Variants in ASTN2 observed in about 807,000 individuals in gnomAD.
ASTN2 encodes astrotactin 2.
Under a neutral mutation model 139.8 loss-of-function variants are expected in ASTN2, and 54 were observed. That is an observed-to-expected ratio of 0.39 (90% CI 0.31 to 0.48). The LOEUF (loss-of-function observed/expected upper bound fraction) is 0.48, where lower values mean the gene tolerates loss of function less well. ASTN2 is among the 20% of genes least tolerant of loss of function. The probability of loss-of-function intolerance (pLI) is 0.95; values close to 1 mark genes in which losing one functional copy is unlikely to be tolerated. For missense variants in ASTN2, 1,565 were observed against 1,725.1 expected, an observed-to-expected ratio of 0.91 and a Z score of 1.64; for synonymous variants, 756 against 719.5, an observed-to-expected ratio of 1.05 and a Z score of -0.81.
chr9:116,548,200 C>T (rs1852187536), intron 19 of ASTN2, among the ~76,000 whole-genome samples: 1 of 152,198 alleles, frequency 6.6e-6, no homozygotes, highest in South Asian at 2.1e-4. Flanking sequence ...CAGGCTCTGG[C>T]AGTCAGGAGG....
chr9:116,542,771 G>T (rs1260515866), intron 19 of ASTN2, among the ~76,000 whole-genome samples: 1 of 151,782 alleles, frequency 6.6e-6, no homozygotes, highest in African/African-American at 2.4e-5. Flanking sequence ...ACAAAAAGTA[G>T]CTGGGCATGG....
intron 13 of ASTN2, among the ~76,000 whole-genome samples, chr9:116,777,921 C>T (rs952474543): frequency 6.6e-6 from 1 of 152,002 alleles, no homozygotes; most frequent in Non-Finnish European, 1.5e-5. Flanking sequence ...CGGCTCACTG[C>T]AACCTCCACC....
intron 19 of ASTN2, among the ~76,000 whole-genome samples, chr9:116,581,750 T>C (rs914531473): frequency 6.6e-6 from 1 of 152,192 alleles, no homozygotes; most frequent in African/African-American, 2.4e-5. Context: ...CATTCATTCA[T>C]CTCTTCTTAA....
At chr9:117,116,193 G>A (rs536358184) in intron 4 of ASTN2, among the ~76,000 whole-genome samples, 1 of 152,248 alleles carries the variant, frequency 6.6e-6, no homozygotes, top group Non-Finnish European at 1.5e-5. Context: ...TATCTCCTGG[G>A]GGTAGCAGAA....
intron 19 of ASTN2, among the ~76,000 whole-genome samples, chr9:116,498,368 T>C (rs1295859370): frequency 6.6e-6 from 1 of 152,002 alleles, no homozygotes; most frequent in Non-Finnish European, 1.5e-5. Flanking sequence ...GAGGATCACT[T>C]GAGGCCAGGA....
chr9:116,653,057 T>G (rs1290451381), intron 16 of ASTN2, among the ~76,000 whole-genome samples: 1 of 152,200 alleles, frequency 6.6e-6, no homozygotes, highest in Admixed American at 6.6e-5. Context: ...CATTTTCCCT[T>G]CCCATTTTCT....
At chr9:117,127,107 A>G (rs1162139139) in intron 4 of ASTN2, among the ~76,000 whole-genome samples, 1 of 152,216 alleles carries the variant, frequency 6.6e-6, no homozygotes, top group Non-Finnish European at 1.5e-5. Context: ...TGCTGATCTA[A>G]GAATGAGGCC....
At chr9:117,230,129 A>G (rs1164568794) in intron 2 of ASTN2, among the ~76,000 whole-genome samples, 2 of 147,116 alleles carry the variant, frequency 1.4e-5, no homozygotes, top group Non-Finnish European at 3.0e-5. Flanking sequence ...AAAAAAAAAA[A>G]AGCCCTATTG....
intron 3 of ASTN2, among the ~76,000 whole-genome samples, chr9:117,187,388 A>C (rs1831228364): frequency 6.6e-6 from 1 of 152,134 alleles, no homozygotes. Flanking sequence ...GATGCTAAAA[A>C]ATAATGATGT....
At position 117,343,408 on chromosome 9, in the gene ASTN2, T is replaced by C. The variant is rs533056300; in HGVS notation, c.443-51895A>G. Among the ~76,000 whole-genome samples the C allele has an allele frequency of 7.5e-4, 114 of 152,346 alleles. 1 individual carries two copies. The highest frequency in any genetic ancestry group is 2.5e-3 in the African/African-American group (105 of 41,588). On this transcript the variant is annotated intron_variant, in intron 1 of 22. Coordinates refer to ENST00000313400, the MANE Select transcript of ASTN2 (RefSeq NM_001365068.1). ...AAGAAGCTTTCTCGGATTCCTACAG[T>C]GCATGAACTTGCTTTTCCCTGGAAT...
At chr9:116,863,039 G>C (rs1294302369) in intron 11 of ASTN2, among the ~76,000 whole-genome samples, 1 of 151,806 alleles carries the variant, frequency 6.6e-6, no homozygotes, top group Non-Finnish European at 1.5e-5. Context: ...AGCAAACAAG[G>C]CTGCCTCTCC....
intron 16 of ASTN2, among the ~76,000 whole-genome samples, chr9:116,708,062 G>A (rs1309973902): frequency 6.6e-6 from 1 of 152,026 alleles, no homozygotes; most frequent in Non-Finnish European, 1.5e-5. Flanking sequence ...TGCCAAAATG[G>A]GACGGCATGG....
intron 12 of ASTN2, among the ~76,000 whole-genome samples, chr9:116,808,114 AAAAACAAAAC>A (rs1259138433): frequency 6.6e-6 from 1 of 152,226 alleles, no homozygotes; most frequent in Non-Finnish European, 1.5e-5. Flanking sequence ...ACTTCGTCTC[AAAAACAAAAC>A]AAAACAAAAC....
At chr9:116,803,594 A>G (rs1830955537) in intron 13 of ASTN2, among the ~76,000 whole-genome samples, 1 of 143,010 alleles carries the variant, frequency 7.0e-6, no homozygotes, top group South Asian at 2.2e-4. Flanking sequence ...GCGTAATCTC[A>G]GCTCACTGCA....
rs183194091 is a variant in ASTN2, at chr9:116,904,211, G to A, written c.1890-40478C>T. Among the ~76,000 whole-genome samples, 543 of 152,272 alleles carry A rather than the reference G, an allele frequency of 3.6e-3. 5 individuals are homozygous for A. The highest frequency in any genetic ancestry group is 0.013 in the African/African-American group (525 of 41,544). On this transcript the variant is annotated intron_variant, in intron 10 of 22. Transcript: ENST00000313400. ...TACCACAGGGCCTGGCATACATACG[G>A]TAGAAATTGAGCAGCTCTGGGAAGT...
intron 17 of ASTN2, among the ~76,000 whole-genome samples, chr9:116,649,804 C>T (rs1185636788): frequency 6.6e-6 from 1 of 152,082 alleles, no homozygotes; most frequent in African/African-American, 2.4e-5. Flanking sequence ...CTGCCAATAA[C>T]CATGCATCAT....
At chr9:117,089,070 T>C (rs941693998) in intron 5 of ASTN2, among the ~76,000 whole-genome samples, 1 of 152,216 alleles carries the variant, frequency 6.6e-6, no homozygotes, top group Non-Finnish European at 1.5e-5. Flanking sequence ...ACTGTGAGGT[T>C]CGGTGCTGAG....
intron 5 of ASTN2, among the ~76,000 whole-genome samples, chr9:117,064,798 T>C (rs1050497372): frequency 7.9e-5 from 10 of 126,126 alleles, no homozygotes; most frequent in Admixed American, 6.1e-4. Flanking sequence ...ATCTATATAC[T>C]TAAAAAAAAA....
chr9:116,651,369 T>C lies in ASTN2; in HGVS notation c.3072+159A>G, dbSNP rs368562817. Among the ~76,000 whole-genome samples the C allele has an allele frequency of 6.6e-5, 10 of 152,276 alleles. No individual in the cohort carries two copies. In the South Asian group the frequency reaches 1.0e-3, roughly 16 times the overall value. On this transcript the variant is annotated intron_variant, in intron 17 of 22. Transcript: ENST00000313400. ...AGCTAGTATTGTCAAACTATGTAAG[T>C]ATTTAGAACATGGTAAGGAATCAAT... is the stretch of plus-strand genomic sequence containing the variant.
Sources: allele counts gnomAD v4.1 joint callset (sites outside exome capture counted in the v4.1 genomes callset), GRCh38; gene constraint gnomAD v4.1.1; transcripts MANE v1.5; gene names NCBI Gene and HGNC (gene_info 2026-07-23, HGNC 2026-07-21).